The following BTNL8 variants were observed in gnomAD, a reference collection of about 807,000 sequenced individuals.
BTNL8 encodes the protein butyrophilin-like protein 8.
A neutral mutation model predicts 36.1 loss-of-function variants in BTNL8; 22 were observed. The observed-to-expected ratio is 0.61, with a 90% CI of 0.44 to 0.87. The LOEUF is 0.87. Among genes scored for constraint, BTNL8 ranks in the 40% least tolerant of loss-of-function variants. The pLI is 0.00. For missense variants in BTNL8, 526 were observed against 616.9 expected (o/e 0.85, Z 1.56); for synonymous variants, 203 against 235.6 (o/e 0.86, Z 1.27).
intron 2 of BTNL8, among the ~76,000 whole-genome samples, chr5:180,910,957 T>C (rs993941588): frequency 2.0e-5 from 3 of 152,210 alleles, no homozygotes; most frequent in African/African-American, 7.2e-5. Context: ...TTCCTTGGTT[T>C]AGCTCTTACT....
rs760188256 is a variant in BTNL8, at chr5:180,908,788, GA to G, written c.253del (p.Thr85GlnfsTer4). ...FMQMPQYQGR[T>X]KLVKDSIAEG... ...TGCAGATGCCACAGTATCAAGGCAG[GA>G]CAAAACTGGTGAAGGATTCTATTGC... On this transcript the variant is annotated frameshift_variant, in exon 2 of 8. Coordinates refer to ENST00000340184, the MANE Select transcript of BTNL8 (RefSeq NM_001040462.3). LOFTEE classifies it high-confidence loss of function. 3.1e-6 allele frequency: 5 copies of G among 1,614,076 alleles called. No individual in the cohort carries two copies. Among genetic ancestry groups the G allele is most frequent in the Middle Eastern group, 1.6e-4 (1 of 6,084 alleles).
At chr5:180,909,327 G>A (rs556684520) in intron 2 of BTNL8, among the ~76,000 whole-genome samples, 2 of 152,238 alleles carry the variant, frequency 1.3e-5, no homozygotes, top group African/African-American at 4.8e-5. Flanking sequence ...ATGCTCTTGC[G>A]ATCTATCCAA....
intron 1 of BTNL8, among the ~76,000 whole-genome samples, chr5:180,905,820 C>G (rs1033876187): frequency 2.0e-5 from 3 of 151,186 alleles, no homozygotes; most frequent in Non-Finnish European, 4.4e-5. Flanking sequence ...GTTCAGTTTC[C>G]ATGTAGTTGA....
In BTNL8 at chr5:180,899,320, A is replaced by G. The variant is rs1396936428; in HGVS notation, c.10A>G (p.Met4Val). The change falls in exon 1 of 8, where the codon ATG (methionine) becomes GTG (valine). Residue 4 changes from methionine to valine, a missense_variant. Transcript: ENST00000340184. ...TTCACAGAACACATCCATGGCTCTC[A>G]TGCTCAGTTTGGTTCTGAGTCTCCT... MALMLSLVLSLLKL... is the reference protein window; with the variant it reads MALVLSLVLSLLKL... The G allele has an allele frequency of 4.3e-6, 7 of 1,614,202 alleles. No individual in the cohort carries two copies. Among genetic ancestry groups the G allele is most frequent in the South Asian group, 1.1e-5 (1 of 91,086 alleles).
At position 180,949,424 on chromosome 5, in the gene BTNL8, C is replaced by G; in HGVS notation, c.862+159C>G. On this transcript the variant is annotated intron_variant, in intron 7 of 7. Coordinates refer to ENST00000340184, the MANE Select transcript of BTNL8 (RefSeq NM_001040462.3). Reference sequence around the variant, plus strand: ...CTTGATCGCCCCCAAGGGTTCAGTGCCCCCAGACACACTTCTTTCCCTTGG... The same window carrying G: ...CTTGATCGCCCCCAAGGGTTCAGTGGCCCCAGACACACTTCTTTCCCTTGG... 5 of 1,090,670 alleles carry G rather than the reference C, an allele frequency of 4.6e-6. 1 individual carries two copies. Among genetic ancestry groups the G allele is most frequent in the Non-Finnish European group, 5.2e-6 (4 of 763,596 alleles). 67.6% of individuals were successfully genotyped at this position (1,090,670 alleles called of 1,614,324 possible). A position where few individuals can be genotyped will look rare whatever the true frequency, so the allele number is the denominator to read the frequency against.
chr5:180,907,035 C>G lies in BTNL8; in HGVS notation c.50-1551C>G, dbSNP rs1362212075. 2.0e-5 allele frequency among the ~76,000 whole-genome samples: 2 copies of G among 100,852 alleles called. 1 individual carries two copies. The highest frequency in any genetic ancestry group is 1.9e-4 in the Admixed American group (2 of 10,550). 66.2% of individuals were successfully genotyped at this position (100,852 alleles called of 152,430 possible). ...CTCTTCTCGAGGAGTATCTTTGTGG[C>G]GTTCTCTGTATTTCCTGAATCTGAA... On this transcript the variant is annotated intron_variant, in intron 1 of 7. Transcript: ENST00000340184.
At chr5:180,946,402 T>G (rs1759249787) in intron 3 of BTNL8, among the ~76,000 whole-genome samples, 1 of 152,192 alleles carries the variant, frequency 6.6e-6, no homozygotes, top group South Asian at 2.1e-4. Context: ...ATGTGATCTA[T>G]AAATACAATG....
intron 3 of BTNL8, chr5:180,945,740 C>T: frequency 2.1e-6 from 1 of 482,504 alleles, no homozygotes. Flanking sequence ...CACCTAGTTG[C>T]ACTCCTGAGA....
At chr5:180,905,263 A>G (rs1241843210) in intron 1 of BTNL8, among the ~76,000 whole-genome samples, 1 of 150,642 alleles carries the variant, frequency 6.6e-6, no homozygotes, top group Non-Finnish European at 1.5e-5. Context: ...GGGAGAGTGT[A>G]TGTGTCGAGG....
chr5:180,930,483 T>G (rs962003701), intron 3 of BTNL8, among the ~76,000 whole-genome samples: 2 of 152,070 alleles, frequency 1.3e-5, no homozygotes, highest in African/African-American at 4.8e-5. Context: ...GAGAAAGAAA[T>G]AAAGGGTATT....
rs1249057419 is a variant in BTNL8, at chr5:180,950,494, G to A, written c.1453G>A (p.Glu485Lys). The change falls in exon 8 of 8, where the codon GAG becomes AAG. Residue 485 changes from glutamate (E) to lysine (K), a missense_variant. Around this residue, in one of 2 missense-constraint regions of BTNL8, gnomAD observed 176 missense variants for 292.3 expected, o/e 0.60. Coordinates refer to ENST00000340184, the MANE Select transcript of BTNL8 (RefSeq NM_001040462.3). Reference sequence around the variant, plus strand: ...TGCAATCCCAGAGACAAGCAACAGTGAGTCCTCCTCACAGGCAACCACGCC... The same window carrying A: ...TGCAATCCCAGAGACAAGCAACAGTAAGTCCTCCTCACAGGCAACCACGCC... ...ASAIPETSNS[E>K]SSSQATTPFL... 1.4e-6 allele frequency: 2 copies of A among 1,463,516 alleles called. 1 individual carries two copies. The highest frequency in any genetic ancestry group is 4.9e-5 in the East Asian group (2 of 40,970). The allele number at this position is 1,463,516 out of a possible 1,614,324, so 90.7% of individuals were successfully genotyped here.
intron 3 of BTNL8, among the ~76,000 whole-genome samples, chr5:180,928,188 T>G (rs1050913823): frequency 3.3e-5 from 5 of 152,162 alleles, no homozygotes; most frequent in African/African-American, 1.2e-4. Context: ...GTCAACATTC[T>G]TAAAGAAATG....
In BTNL8 at chr5:180,911,439, G is replaced by C; in HGVS notation, c.498G>C (p.Lys166Asn). 4 of 1,614,228 alleles carry C rather than the reference G, an allele frequency of 2.5e-6. No individual in the cohort carries two copies. The highest frequency in any genetic ancestry group is 3.4e-6 in the Non-Finnish European group (4 of 1,180,042). The change falls in exon 3 of 8, where the codon AAG becomes AAC. Residue 166 changes from lysine to asparagine, a missense_variant. Lys to Asn is a moderately conservative substitution (Grantham distance 94). This residue lies in a region of BTNL8 where 350 missense variants were observed against 324.6 expected (regional missense o/e 1.08). Transcript: ENST00000340184. Reference protein sequence around the residue: ...SSGWFPRPTAKWKGPQGQDLS... With the variant: ...SSGWFPRPTANWKGPQGQDLS... ...GCTGGTTCCCCCGGCCCACAGCGAA[G>C]TGGAAAGGTCCACAAGGACAGGATT...
At chr5:180,937,952 A>AG (rs1758737562) in intron 3 of BTNL8, among the ~76,000 whole-genome samples, 1 of 151,734 alleles carries the variant, frequency 6.6e-6, no homozygotes. Flanking sequence ...TAAAAAAAAA[A>AG]AGAAATATTC....
chr5:180,899,449 T>G, intron 1 of BTNL8, 90 bp downstream of exon 1: 1 of 1,436,502 alleles, frequency 7.0e-7, no homozygotes, highest in Non-Finnish European at 9.8e-7. Context: ...AAGGCATCTT[T>G]GTCGTTTCCA....
At chr5:180,920,771 G>A (rs1757828893) in intron 3 of BTNL8, among the ~76,000 whole-genome samples, 1 of 151,948 alleles carries the variant, frequency 6.6e-6, no homozygotes, top group Non-Finnish European at 1.5e-5. Context: ...TTTACAATGG[G>A]CAAAGTACAT....
intron 3 of BTNL8, among the ~76,000 whole-genome samples, chr5:180,933,103 G>A (rs4701010): frequency 0.45 from 67,951 of 150,942 alleles, 16,282 homozygotes; most frequent in African/African-American, 0.63. Context: ...TGTAATAATA[G>A]AGGGTTCAAT....
intron 1 of BTNL8, among the ~76,000 whole-genome samples, chr5:180,907,098 G>GAT (rs1757114458): frequency 8.7e-6 from 1 of 114,322 alleles, no homozygotes; most frequent in Admixed American, 8.4e-5. Context: ...AGTTCTCCTG[G>GAT]ATAATATACT....
intron 7 of BTNL8, chr5:180,949,599 A>G (rs1008078050): frequency 2.9e-5 from 15 of 523,634 alleles, no homozygotes; most frequent in African/African-American, 2.7e-4. Context: ...AGTGGGAGGA[A>G]GTTAGATAGT....
Sources: allele counts gnomAD v4.1 joint callset (sites outside exome capture counted in the v4.1 genomes callset), GRCh38; gene constraint gnomAD v4.1.1; regional missense constraint gnomAD v4.1.1; transcripts MANE v1.5; gene names NCBI Gene and HGNC (gene_info 2026-07-23, HGNC 2026-07-21).